The following EYA4 variants were observed in gnomAD, a reference collection of about 807,000 sequenced individuals.
EYA4 encodes protein phosphatase EYA4.
Under a neutral mutation model 87.9 loss-of-function variants are expected in EYA4, and 31 were observed. That is an observed-to-expected ratio of 0.35 (90% CI 0.27 to 0.48). The LOEUF (loss-of-function observed/expected upper bound fraction) is 0.48. EYA4 is among the 20% of genes least tolerant of loss of function. The pLI is 0.99. For missense variants in EYA4, 678 were observed against 761.4 expected (o/e 0.89, Z 1.29); for synonymous variants, 263 against 270.6 (o/e 0.97, Z 0.28).
At chr6:133,369,385 CTT>C (rs1562339390) in intron 2 of EYA4, among the ~76,000 whole-genome samples, 1 of 151,968 alleles carries the variant, frequency 6.6e-6, no homozygotes, top group East Asian at 1.9e-4. Flanking sequence ...ACATAAAAGA[CTT>C]TATTTTATAA....
At chr6:133,362,601 C>G (rs1784533040) in intron 2 of EYA4, among the ~76,000 whole-genome samples, 1 of 152,122 alleles carries the variant, frequency 6.6e-6, no homozygotes, top group African/African-American at 2.4e-5. Context: ...ACAAATGGAA[C>G]AAATTCTATA....
intron 2 of EYA4, among the ~76,000 whole-genome samples, chr6:133,324,830 A>G (rs1781366634): frequency 6.6e-6 from 1 of 151,782 alleles, no homozygotes; most frequent in Admixed American, 6.6e-5. Context: ...AAAAAATCAG[A>G]TTAATAAATC....
At chr6:133,267,121 C>A (rs1776285762) in intron 1 of EYA4, among the ~76,000 whole-genome samples, 1 of 152,112 alleles carries the variant, frequency 6.6e-6, no homozygotes, top group African/African-American at 2.4e-5. Context: ...TTTACCTGAT[C>A]CTGTGAAACC....
intron 1 of EYA4, among the ~76,000 whole-genome samples, chr6:133,256,963 T>C (rs990327008): frequency 3.3e-5 from 5 of 152,064 alleles, no homozygotes; most frequent in Non-Finnish European, 5.9e-5. Context: ...GGGTTTTTTT[T>C]CCTGCAGAAT....
chr6:133,331,621 C>CA (rs1203439055), intron 2 of EYA4, among the ~76,000 whole-genome samples: 1 of 152,168 alleles, frequency 6.6e-6, no homozygotes, highest in East Asian at 1.9e-4. Context: ...TAGTTTACTG[C>CA]AACGGTGCTT....
At chr6:133,467,895 T>C (rs1179485320) in intron 10 of EYA4, among the ~76,000 whole-genome samples, 1 of 151,982 alleles carries the variant, frequency 6.6e-6, no homozygotes, top group East Asian at 1.9e-4. Flanking sequence ...AAAAAGCAGG[T>C]CAGGGGTGTT....
At chr6:133,309,680 A>C (rs574394477) in intron 2 of EYA4, among the ~76,000 whole-genome samples, 3 of 152,206 alleles carry the variant, frequency 2.0e-5, no homozygotes, top group Non-Finnish European at 4.4e-5. Flanking sequence ...ACATGCCAAC[A>C]TGCCTCCTTA....
chr6:133,265,740 G>A (rs1318890092), intron 1 of EYA4, among the ~76,000 whole-genome samples: 2 of 152,126 alleles, frequency 1.3e-5, no homozygotes, highest in East Asian at 3.9e-4. Context: ...GAAATATAAA[G>A]CAAAGTATTA....
chr6:133,242,160 T>G (rs1774003059), intron 1 of EYA4, among the ~76,000 whole-genome samples: 1 of 152,306 alleles, frequency 6.6e-6, no homozygotes, highest in South Asian at 2.1e-4. Context: ...CACATCTTTC[T>G]TATGACGTGT....
intron 14 of EYA4, among the ~76,000 whole-genome samples, chr6:133,507,483 G>A (rs1464547152): frequency 4.6e-5 from 7 of 151,830 alleles, no homozygotes; most frequent in African/African-American, 7.3e-5. Context: ...CCATCAACCC[G>A]TCATCTACAT....
At chr6:133,394,568 G>C (rs1296293271) in intron 3 of EYA4, among the ~76,000 whole-genome samples, 1 of 149,262 alleles carries the variant, frequency 6.7e-6, no homozygotes, top group African/African-American at 2.5e-5. Flanking sequence ...GAATTACAGA[G>C]AGAAAAAAAA....
chr6:133,478,987 A>G (rs1311033158), intron 11 of EYA4, among the ~76,000 whole-genome samples: 1 of 152,172 alleles, frequency 6.6e-6, no homozygotes, highest in Non-Finnish European at 1.5e-5. Context: ...TTGCCTTATG[A>G]TAGTTAACAC....
rs144415484 is a variant in EYA4, at chr6:133,481,471, G to C, written c.979G>C (p.Asp327His). 6.2e-7 allele frequency: 1 copy of C among 1,613,760 alleles called. No homozygotes were observed. The highest frequency in any genetic ancestry group is 2.2e-5 in the East Asian group (1 of 44,866). Residue 327 changes from aspartate to histidine, a missense_variant, in exon 12 of 20, where the codon GAT (aspartate) becomes CAT (histidine). Coordinates refer to ENST00000355286, the MANE Select transcript of EYA4 (RefSeq NM_004100.5). ...PGLTNQPGEF[D>H]TMQSPSTPIK... ...AGTCATGTTATCTATAGGAGAGTTC[G>C]ATACCATGCAGAGTCCCTCCACACC...
rs567771265 is a variant in EYA4, at chr6:133,394,509, A to C, written c.83+12068A>C. Among the ~76,000 whole-genome samples the C allele has an allele frequency of 2.0e-5, 3 of 151,946 alleles. No homozygotes were observed. In the South Asian group the frequency reaches 6.2e-4, roughly 32 times the overall value. On this transcript the variant is annotated intron_variant, in intron 3 of 19. Coordinates refer to ENST00000355286, the MANE Select transcript of EYA4 (RefSeq NM_004100.5). The stretch of plus-strand genomic sequence containing the variant: ...TAATTTCCAAGGCTCCACAGACTTG[A>C]TGGCAAACTCAATTGTCTAGCAAAC...
chr6:133,431,923 G>A (rs553539383), intron 3 of EYA4, among the ~76,000 whole-genome samples: 3 of 149,618 alleles, frequency 2.0e-5, no homozygotes, highest in Admixed American at 6.7e-5. Context: ...TAACACATGA[G>A]CCCAATAAAA....
At chr6:133,439,162 G>A (rs1792024116) in intron 3 of EYA4, among the ~76,000 whole-genome samples, 1 of 151,590 alleles carries the variant, frequency 6.6e-6, no homozygotes, top group African/African-American at 2.4e-5. Context: ...ATCGGGATGT[G>A]CTACAGATAC....
At chr6:133,296,389 G>A (rs1419269875) in intron 2 of EYA4, among the ~76,000 whole-genome samples, 1 of 152,180 alleles carries the variant, frequency 6.6e-6, no homozygotes, top group African/African-American at 2.4e-5. Context: ...TTTAGATGGA[G>A]AATAGACTGT....
intron 13 of EYA4, chr6:133,502,573 AT>A (rs1415465869): frequency 7.2e-5 from 11 of 152,194 alleles, no homozygotes; most frequent in Non-Finnish European, 1.5e-5. Flanking sequence ...CACCCACCAA[AT>A]GTCCAGTCAT....
intron 3 of EYA4, among the ~76,000 whole-genome samples, chr6:133,444,815 A>C (rs1417849394): frequency 6.6e-6 from 1 of 152,266 alleles, no homozygotes; most frequent in Non-Finnish European, 1.5e-5. Flanking sequence ...CAGCGTACTA[A>C]AGTAGCACAG....
Sources: gnomAD v4.1 joint callset for allele counts (sites outside exome capture counted in the v4.1 genomes callset) on GRCh38, gnomAD v4.1.1 for gene constraint, MANE v1.5 for transcripts, NCBI Gene and HGNC (gene_info 2026-07-23, HGNC 2026-07-21) for gene names.